GMDS: variants seen among roughly 807,000 people sequenced by gnomAD.
GMDS encodes the protein GDP-mannose 4,6 dehydratase.
Under a neutral mutation model 49.9 loss-of-function variants are expected in GMDS, and 20 were observed. That is an observed-to-expected ratio of 0.40 (90% CI 0.28 to 0.58). The LOEUF (loss-of-function observed/expected upper bound fraction) is 0.58, where lower values mean the gene tolerates loss of function less well. GMDS is among the 20% of genes least tolerant of loss of function. The pLI, the probability that GMDS is intolerant of heterozygous loss-of-function variation, is 0.42. For missense variants in GMDS, 362 were observed against 481.4 expected (o/e 0.75, Z 2.32); for synonymous variants, 177 against 178.6 (o/e 0.99, Z 0.07).
chr6:1,885,975 G>C (rs904412017), intron 7 of GMDS, among the ~76,000 whole-genome samples: 2 of 152,142 alleles, frequency 1.3e-5, no homozygotes, highest in East Asian at 3.9e-4. Context: ...GAAGGGCAGG[G>C]TAAAGTAAAG....
chr6:1,854,640 TTGCAGAG>T (rs1757865080), intron 7 of GMDS, among the ~76,000 whole-genome samples: 1 of 152,188 alleles, frequency 6.6e-6, no homozygotes, highest in South Asian at 2.1e-4. Context: ...CAGTACCACA[TTGCAGAG>T]CCATTCTCAT....
At chr6:1,680,273 C>T (rs1472258303) in intron 9 of GMDS, among the ~76,000 whole-genome samples, 2 of 152,210 alleles carry the variant, frequency 1.3e-5, no homozygotes, top group Non-Finnish European at 2.9e-5. Context: ...GCCCTTCATC[C>T]ACCTGCTTCC....
intron 9 of GMDS, among the ~76,000 whole-genome samples, chr6:1,662,044 C>T (rs906405914): frequency 5.9e-5 from 9 of 151,934 alleles, no homozygotes; most frequent in African/African-American, 1.5e-4. Flanking sequence ...GCCTTGGCTC[C>T]GAAGCTGCTG....
chr6:2,057,707 G>T (rs1206343885), intron 4 of GMDS, among the ~76,000 whole-genome samples: 1 of 152,154 alleles, frequency 6.6e-6, no homozygotes, highest in African/African-American at 2.4e-5. Flanking sequence ...GAGGTATGGA[G>T]AAATAATTCA....
intron 4 of GMDS, among the ~76,000 whole-genome samples, chr6:2,070,280 A>C: frequency 1.3e-5 from 1 of 76,892 alleles, no homozygotes; most frequent in African/African-American, 5.2e-5. Context: ...GGGTGGGGGG[A>C]GGGGGGAGGG....
At chr6:2,073,648 C>T (rs1047299357) in intron 4 of GMDS, among the ~76,000 whole-genome samples, 2 of 152,142 alleles carry the variant, frequency 1.3e-5, no homozygotes, top group Admixed American at 1.3e-4. Flanking sequence ...TTTATCTGTT[C>T]CCCTCCAACC....
chr6:2,061,542 C>A (rs1771169737), intron 4 of GMDS, among the ~76,000 whole-genome samples: 1 of 151,714 alleles, frequency 6.6e-6, no homozygotes, highest in Non-Finnish European at 1.5e-5. Flanking sequence ...CATGGCAAAA[C>A]CCTATCTCTA....
chr6:1,771,439 T>C (rs1561793883), intron 7 of GMDS, among the ~76,000 whole-genome samples: 1 of 152,184 alleles, frequency 6.6e-6, no homozygotes, highest in Non-Finnish European at 1.5e-5. Flanking sequence ...AATGCCTCCT[T>C]TGCAGGCCCA....
intron 4 of GMDS, among the ~76,000 whole-genome samples, chr6:2,069,432 T>C (rs1252845671): frequency 6.6e-6 from 1 of 151,836 alleles, no homozygotes; most frequent in Non-Finnish European, 1.5e-5. Flanking sequence ...CTCATTAAAC[T>C]AAAGAGCTTC....
At chr6:2,157,211 A>T (rs1389056922) in intron 1 of GMDS, among the ~76,000 whole-genome samples, 1 of 152,190 alleles carries the variant, frequency 6.6e-6, no homozygotes, top group Non-Finnish European at 1.5e-5. Context: ...GAAAGTTCTA[A>T]TTTCAGTATG....
chr6:1,762,680 C>T (rs1768204928), intron 7 of GMDS, among the ~76,000 whole-genome samples: 1 of 152,228 alleles, frequency 6.6e-6, no homozygotes, highest in Non-Finnish European at 1.5e-5. Flanking sequence ...ATGATTTCAA[C>T]CTTCCCTTCC....
chr6:1,787,823 T>C (rs752856666), intron 7 of GMDS, among the ~76,000 whole-genome samples: 6 of 152,188 alleles, frequency 3.9e-5, no homozygotes, highest in Non-Finnish European at 8.8e-5. Flanking sequence ...ACACACACTT[T>C]TGTAAACTTT....
chr6:1,885,837 G>A (rs943643132), intron 7 of GMDS, among the ~76,000 whole-genome samples: 1 of 152,168 alleles, frequency 6.6e-6, no homozygotes, highest in African/African-American at 2.4e-5. Flanking sequence ...GCAGGCAGAG[G>A]GGCCAATTTT....
chr6:2,128,348 G>T (rs2127514909), intron 1 of GMDS, among the ~76,000 whole-genome samples: 1 of 151,986 alleles, frequency 6.6e-6, no homozygotes, highest in South Asian at 2.1e-4. Flanking sequence ...CTAATTTTTT[G>T]TATTTTTAGT....
At chr6:2,068,185 T>C (rs1223985232) in intron 4 of GMDS, among the ~76,000 whole-genome samples, 46 of 152,050 alleles carry the variant, frequency 3.0e-4, no homozygotes, top group Non-Finnish European at 1.0e-4. Flanking sequence ...TCTCAATAGA[T>C]GCAGAAAAGG....
At chr6:1,773,839 T>C (rs1380050034) in intron 7 of GMDS, among the ~76,000 whole-genome samples, 1 of 152,244 alleles carries the variant, frequency 6.6e-6, no homozygotes, top group Non-Finnish European at 1.5e-5. Context: ...GGTGTAGACT[T>C]GTTTTTAAGA....
chr6:1,889,909 T>C lies in GMDS; in HGVS notation c.771+40194A>G, dbSNP rs551387105. Among the ~76,000 whole-genome samples, 7 of 152,340 alleles carry C rather than the reference T, an allele frequency of 4.6e-5. No homozygotes were observed. In the South Asian group the frequency reaches 1.5e-3, roughly 32 times the overall value. On this transcript the variant is annotated intron_variant, in intron 7 of 10. Coordinates refer to ENST00000380815, the MANE Select transcript of GMDS (RefSeq NM_001500.4). ...ATCTTCTTTTACTTAGCATAATGTT[T>C]TCCAGGTTCATCCACATTGCAGTGT...
intron 1 of GMDS, among the ~76,000 whole-genome samples, chr6:2,227,568 T>C (rs1426093380): frequency 6.6e-6 from 1 of 152,210 alleles, no homozygotes; most frequent in Non-Finnish European, 1.5e-5. Flanking sequence ...AGAATTTCAG[T>C]AGTTCCTAGA....
intron 4 of GMDS, 122 bp downstream of exon 4, chr6:2,115,649 T>C (rs1368012805): frequency 3.0e-6 from 2 of 666,236 alleles, no homozygotes; most frequent in African/African-American, 3.6e-5. Context: ...AAACTAACAC[T>C]GACAATTCAA....
Sources: gnomAD v4.1 joint callset for allele counts (sites outside exome capture counted in the v4.1 genomes callset) on GRCh38, gnomAD v4.1.1 for gene constraint, MANE v1.5 for transcripts, NCBI Gene and HGNC (gene_info 2026-07-23, HGNC 2026-07-21) for gene names.